GXYLT1: variants seen among roughly 807,000 people sequenced by gnomAD.
GXYLT1 encodes the protein glucoside xylosyltransferase 1, also known as glycosyltransferase 8 domain containing 3.
GXYLT1 carries 29 observed loss-of-function variants against 54.0 expected under a neutral mutation model. The observed-to-expected ratio is 0.54, with a 90% CI of 0.40 to 0.73. The LOEUF is 0.73. Ranked by LOEUF, GXYLT1 falls within the 30% of genes least tolerant of loss-of-function variation. The pLI, the probability that GXYLT1 is intolerant of heterozygous loss-of-function variation, is 0.00. For synonymous variants in GXYLT1, 176 were observed against 204.1 expected, an observed-to-expected ratio of 0.86 and a Z score of 1.17; for missense variants, 490 against 553.4, an observed-to-expected ratio of 0.89 and a Z score of 1.15.
chr12:42,135,167 G>C (rs759598850), intron 1 of GXYLT1, among the ~76,000 whole-genome samples: 109 of 152,188 alleles, frequency 7.2e-4, no homozygotes, highest in Non-Finnish European at 1.1e-3. Context: ...AAATGGGACT[G>C]TGTTGTTCAA....
At chr12:42,116,503 T>C (rs555937457) in intron 3 of GXYLT1, among the ~76,000 whole-genome samples, 81 of 152,302 alleles carry the variant, frequency 5.3e-4, no homozygotes, top group African/African-American at 1.9e-3. Flanking sequence ...AAGACATTTA[T>C]GCAGACAAAA....
Position 42,109,522 on chromosome 12 carries a change from TTA to T in GXYLT1, c.612+42_612+43del, listed in dbSNP as rs1491485144. On this transcript the variant is annotated intron_variant, in intron 4 of 7. Coordinates refer to ENST00000398675, the MANE Select transcript of GXYLT1 (RefSeq NM_173601.2). Reference sequence around the variant, plus strand: ...TCATGTGTAAAAGTAAGGTTCAAATTTAAAAAAAAAAAAAAAAAAAAGACACT... The same window carrying T: ...TCATGTGTAAAAGTAAGGTTCAAATTAAAAAAAAAAAAAAAAAAAGACACT... 284 of 1,301,242 alleles carry T rather than the reference TTA, an allele frequency of 2.2e-4. 2 individuals carry two copies. In the East Asian group the frequency reaches 3.5e-3, roughly 16 times the overall value. The allele number at this position is 1,301,242 out of a possible 1,614,324, so 80.6% of individuals were successfully genotyped here.
chr12:42,087,110 ACT>A lies in GXYLT1; in HGVS notation c.*674_*675del, dbSNP rs1350945279. 1 of 145,790 alleles carries A rather than the reference ACT, an allele frequency of 6.9e-6. No individual in the cohort carries two copies. The highest frequency in any genetic ancestry group is 1.5e-5 in the Non-Finnish European group (1 of 65,412). 9.0% of individuals were successfully genotyped at this position (145,790 alleles called of 1,614,324 possible). On this transcript the variant is annotated 3_prime_UTR_variant, in exon 8 of 8. Transcript: ENST00000398675. ...TACAAAATGAAACACTACATTTCTC[ACT>A]CTCTCTCACACACAAACACGCACAC...
Position 42,081,862 on chromosome 12 carries a change from T to C in GXYLT1, c.*5924A>G, listed in dbSNP as rs1230167714. The stretch of plus-strand genomic sequence containing the variant: ...ACATATAATTTGAGGAAATAAAACG[T>C]TTATTGAGTAAATGTTTATTTAGTA... On this transcript the variant is annotated 3_prime_UTR_variant, in exon 8 of 8. Coordinates refer to ENST00000398675, the MANE Select transcript of GXYLT1 (RefSeq NM_173601.2). The C allele has an allele frequency of 6.6e-6, 1 of 152,214 alleles. No homozygotes were observed. Among genetic ancestry groups the C allele is most frequent in the Non-Finnish European group, 1.5e-5 (1 of 68,042 alleles). 9.4% of individuals were successfully genotyped at this position (152,214 alleles called of 1,614,324 possible). A position where few individuals can be genotyped will look rare whatever the true frequency, so the allele number is the denominator to read the frequency against.
chr12:42,142,396 G>A (rs183693342), intron 1 of GXYLT1, among the ~76,000 whole-genome samples: 137 of 151,626 alleles, frequency 9.0e-4, no homozygotes, highest in African/African-American at 3.0e-3. Context: ...GATTACACTG[G>A]TGCAATCATA....
intron 5 of GXYLT1, among the ~76,000 whole-genome samples, chr12:42,098,784 T>TATAAAA (rs1017764424): frequency 2.2e-5 from 3 of 134,416 alleles, no homozygotes; most frequent in African/African-American, 8.3e-5. Flanking sequence ...TATATATATA[T>TATAAAA]AATACATGTG....
At chr12:42,110,880 G>T (rs576059430) in intron 3 of GXYLT1, among the ~76,000 whole-genome samples, 22 of 152,102 alleles carry the variant, frequency 1.4e-4, no homozygotes, top group African/African-American at 5.1e-4. Flanking sequence ...TAAAATATTT[G>T]ATATTCTTTC....
Position 42,137,915 on chromosome 12 carries a change from C to T in GXYLT1, c.221+6511G>A, listed in dbSNP as rs2065630122. Among the ~76,000 whole-genome samples the T allele has an allele frequency of 2.0e-5, 3 of 152,114 alleles. No individual in the cohort carries two copies. In the South Asian group the frequency reaches 6.2e-4, roughly 32 times the overall value. On this transcript the variant is annotated intron_variant, in intron 1 of 7. Coordinates refer to ENST00000398675, the MANE Select transcript of GXYLT1 (RefSeq NM_173601.2). ...CAAGAAAAGCAAAGATGCTTACGGA[C>T]ACATTAAAGGAGGCCATTCCCATGA...
chr12:42,144,286 G>C, intron 1 of GXYLT1, 140 bp downstream of exon 1: 1 of 446,566 alleles, frequency 2.2e-6, no homozygotes, highest in African/African-American at 2.1e-5. Flanking sequence ...GGAGGGGAAG[G>C]AGGGAAATGA....
chr12:42,098,644 C>T (rs900542980), intron 5 of GXYLT1, among the ~76,000 whole-genome samples: 1 of 150,914 alleles, frequency 6.6e-6, no homozygotes, highest in African/African-American at 2.4e-5. Context: ...TTTGTGTCTA[C>T]TTGTAGTAAA....
In GXYLT1 at chr12:42,105,146, C is replaced by T. The variant is rs528240305; in HGVS notation, c.864+672G>A. Reference sequence around the variant, plus strand: ...AGAGCAAGCAAACTACAGTGACTTGCAACTTAGATATACAACTAATCTACA... The same window carrying T: ...AGAGCAAGCAAACTACAGTGACTTGTAACTTAGATATACAACTAATCTACA... On this transcript the variant is annotated intron_variant, in intron 5 of 7. Coordinates refer to ENST00000398675, the MANE Select transcript of GXYLT1 (RefSeq NM_173601.2). Among the ~76,000 whole-genome samples, 7 of 152,282 alleles carry T rather than the reference C, an allele frequency of 4.6e-5. No individual in the cohort carries two copies. The East Asian group carries it at 1.2e-3, about 25-fold the overall frequency.
Position 42,119,075 on chromosome 12 carries a change from A to G in GXYLT1, c.411T>C (p.Ala137=). Residue 137 remains alanine, a synonymous_variant, in exon 3 of 8, where the codon GCT becomes GCC. Transcript: ENST00000398675. The part of the protein sequence containing the change: ...LEETMTMLKS[A]IIFSIKPLQF... ...GAAGAGGTTTGATGCTGAAAATGAT[A>G]GCTGACTTCAACATGGTCATAGTTT... 1 of 1,614,066 alleles carries G rather than the reference A, an allele frequency of 6.2e-7. No homozygotes were observed. The highest frequency in any genetic ancestry group is 8.5e-7 in the Non-Finnish European group (1 of 1,179,872).
intron 5 of GXYLT1, among the ~76,000 whole-genome samples, chr12:42,098,285 G>C (rs528275587): frequency 1.3e-5 from 2 of 152,276 alleles, no homozygotes; most frequent in South Asian, 2.1e-4. Flanking sequence ...AAGTAACTGT[G>C]TCCTTATCTT....
At chr12:42,102,329 T>G (rs1409300348) in intron 5 of GXYLT1, among the ~76,000 whole-genome samples, 3 of 152,222 alleles carry the variant, frequency 2.0e-5, no homozygotes, top group Non-Finnish European at 4.4e-5. Flanking sequence ...TCTGCTCTCA[T>G]AAGCTATGTA....
intron 4 of GXYLT1, among the ~76,000 whole-genome samples, chr12:42,106,520 T>C (rs75026685): frequency 0.015 from 2,291 of 152,210 alleles, 66 homozygotes; most frequent in East Asian, 0.1. Context: ...TTTCAACTAG[T>C]AAGTGGTAGA....
In GXYLT1 at chr12:42,106,002, T is replaced by A. The variant is rs778482316; in HGVS notation, c.680A>T (p.Asp227Val). ...DTDILFLRPV[D>V]DIWSLLKKFN... is the part of the protein sequence containing the mutation. Reference sequence around the variant, plus strand: ...TTTCTTTAGTAAAGACCAAATATCATCAACTGGTCGTAAAAAAAGGATATC... The same window carrying A: ...TTTCTTTAGTAAAGACCAAATATCAACAACTGGTCGTAAAAAAAGGATATC... Residue 227 changes from aspartate (D) to valine (V), a missense_variant, in exon 5 of 8, where the codon GAT becomes GTT. Physicochemically the swap from Asp to Val is radical, Grantham distance 152. Around this residue, in one of 2 missense-constraint regions of GXYLT1, gnomAD observed 342 missense variants for 342.6 expected, o/e 1.00. Transcript: ENST00000398675. 3 of 1,612,618 alleles carry A rather than the reference T, an allele frequency of 1.9e-6. No homozygotes were observed.
chr12:42,097,766 T>C (rs910529477), intron 6 of GXYLT1, 144 bp downstream of exon 6: 2 of 1,022,040 alleles, frequency 2.0e-6, no homozygotes, highest in African/African-American at 3.3e-5. Context: ...TAAAGCAAAA[T>C]TCAAGAAAAG....
chr12:42,138,218 G>A lies in GXYLT1; in HGVS notation c.221+6208C>T, dbSNP rs139506077. 5.9e-5 allele frequency among the ~76,000 whole-genome samples: 9 copies of A among 152,356 alleles called. No individual in the cohort carries two copies. The East Asian group carries it at 1.7e-3, about 29-fold the overall frequency. ...GAAGGTGGAGGCTGTAGTGAGCCGA[G>A]AGAGTGCCACTGCGCTCCAGTCTGG... On this transcript the variant is annotated intron_variant, in intron 1 of 7. Coordinates refer to ENST00000398675, the MANE Select transcript of GXYLT1 (RefSeq NM_173601.2).
chr12:42,127,785 C>T (rs774181369), intron 2 of GXYLT1, among the ~76,000 whole-genome samples: 1 of 152,036 alleles, frequency 6.6e-6, no homozygotes, highest in South Asian at 2.1e-4. Flanking sequence ...TGCAAATATT[C>T]GTAAGAATGA....
Sources: allele counts gnomAD v4.1 joint callset (sites outside exome capture counted in the v4.1 genomes callset), GRCh38; gene constraint gnomAD v4.1.1; regional missense constraint gnomAD v4.1.1; transcripts MANE v1.5; gene names NCBI Gene and HGNC (gene_info 2026-07-23, HGNC 2026-07-21).